The following TAFA2 variants were observed in gnomAD, a reference collection of about 807,000 sequenced individuals.
The protein encoded by TAFA2 is chemokine-like protein TAFA-2.
A neutral mutation model predicts 18.8 loss-of-function variants in TAFA2; 7 were observed. The ratio of observed to expected loss-of-function variants is 0.37; its 90% CI spans 0.21 to 0.70. The LOEUF (loss-of-function observed/expected upper bound fraction) is 0.70, where lower values mean the gene tolerates loss of function less well. Among genes scored for constraint, TAFA2 ranks in the 30% least tolerant of loss-of-function variants. The pLI is 0.53. For synonymous variants in TAFA2, 60 were observed against 54.2 expected (o/e 1.11, Z -0.47); for missense variants, 122 against 158.1 (o/e 0.77, Z 1.23).
chr12:61,911,925 G>C (rs1456758547), intron 1 of TAFA2, among the ~76,000 whole-genome samples: 2 of 152,134 alleles, frequency 1.3e-5, no homozygotes, highest in African/African-American at 4.8e-5. Context: ...CCAAACAGAA[G>C]CTGATGCATC....
At chr12:61,737,778 T>C (rs1868328493) in intron 4 of TAFA2, among the ~76,000 whole-genome samples, 1 of 151,866 alleles carries the variant, frequency 6.6e-6, no homozygotes, top group African/African-American at 2.4e-5. Context: ...ATCATTATTC[T>C]ATTCCTGCTA....
At chr12:62,081,913 G>A (rs532149251) in intron 1 of TAFA2, among the ~76,000 whole-genome samples, 29 of 152,088 alleles carry the variant, frequency 1.9e-4, no homozygotes, top group African/African-American at 6.0e-4. Context: ...CCCAGCATCC[G>A]TTAGCTATTC....
chr12:61,981,128 G>GA (rs1054884959), intron 1 of TAFA2, among the ~76,000 whole-genome samples: 34 of 152,142 alleles, frequency 2.2e-4, no homozygotes, highest in African/African-American at 8.0e-4. Flanking sequence ...GAATGGAACA[G>GA]AACAGAGGCC....
Position 62,229,427 on chromosome 12 carries a change from G to C in TAFA2, c.-130+29336C>G, listed in dbSNP as rs578223443. On this transcript the variant is annotated intron_variant, in intron 1 of 5. Transcript: ENST00000551619. Reference sequence around the variant, plus strand: ...CTTGTTGAGGGTTTTTATCATAAAGGGATGTTGAATATTGTCAAACACTTT... The same window carrying C: ...CTTGTTGAGGGTTTTTATCATAAAGCGATGTTGAATATTGTCAAACACTTT... Among the ~76,000 whole-genome samples, 125 of 152,042 alleles carry C rather than the reference G, an allele frequency of 8.2e-4. 1 individual carries two copies. The highest frequency in any genetic ancestry group is 2.6e-3 in the African/African-American group (108 of 41,500).
chr12:61,787,312 G>C (rs1237007600), intron 2 of TAFA2, among the ~76,000 whole-genome samples: 1 of 151,518 alleles, frequency 6.6e-6, no homozygotes, highest in Non-Finnish European at 1.5e-5. Context: ...ATGCTTAAGG[G>C]AATGCTGCAA....
Position 61,709,555 on chromosome 12 carries a change from C to T in TAFA2, c.*851G>A, listed in dbSNP as rs1254963514. On this transcript the variant is annotated 3_prime_UTR_variant, in exon 5 of 5. Transcript: ENST00000416284. ...TGAAGGCTACCCATTAACTTGACTG[C>T]TCACTGCTGATTTCTGTGAAGGGAA... is the stretch of plus-strand genomic sequence containing the variant. 1 of 151,942 alleles carries T rather than the reference C, an allele frequency of 6.6e-6. No homozygotes were observed. Among genetic ancestry groups the T allele is most frequent in the Non-Finnish European group, 1.5e-5 (1 of 67,966 alleles). The allele number at this position is 151,942 out of a possible 1,614,324, so 9.4% of individuals were successfully genotyped here. A position where few individuals can be genotyped will look rare whatever the true frequency, so the allele number is the denominator to read the frequency against.
chr12:62,016,772 T>C (rs1880950784), intron 1 of TAFA2, among the ~76,000 whole-genome samples: 1 of 143,234 alleles, frequency 7.0e-6, no homozygotes, highest in African/African-American at 2.6e-5. Context: ...ACATTTATTA[T>C]TGTGTGTACA....
intron 2 of TAFA2, among the ~76,000 whole-genome samples, chr12:61,780,940 AT>A (rs1870477554): frequency 6.6e-6 from 1 of 151,748 alleles, no homozygotes; most frequent in African/African-American, 2.4e-5. Flanking sequence ...TCAAAACATC[AT>A]AAAATCTAAA....
At chr12:62,105,032 G>A (rs1869385258) in intron 1 of TAFA2, 1 of 187,466 alleles carries the variant, frequency 5.3e-6, no homozygotes, top group Non-Finnish European at 1.1e-5. Flanking sequence ...CTAAAGTAAA[G>A]GAAGGGGGAA....
intron 2 of TAFA2, among the ~76,000 whole-genome samples, chr12:61,844,946 C>G (rs530522866): frequency 1.3e-5 from 2 of 152,100 alleles, no homozygotes; most frequent in East Asian, 3.9e-4. Context: ...ATCCAAAATT[C>G]AAGGAAATTT....
rs929984023 is a variant in TAFA2 at position 62,056,868 on chromosome 12, G to A, written c.-2+134391C>T. Among the ~76,000 whole-genome samples, 4 of 152,174 alleles carry A rather than the reference G, an allele frequency of 2.6e-5. No individual in the cohort carries two copies. The East Asian group carries it at 5.8e-4, about 22-fold the overall frequency. ...CAACAACAAAAAAAGATGGGGGCCC[G>A]AAGGCGCTTCTAATCTGTCGTTAGG... is the stretch of plus-strand genomic sequence containing the variant. On this transcript the variant is annotated intron_variant, in intron 1 of 4. Transcript: ENST00000416284.
chr12:61,732,058 C>T (rs1362751937), intron 4 of TAFA2, among the ~76,000 whole-genome samples: 3 of 151,846 alleles, frequency 2.0e-5, no homozygotes, highest in Non-Finnish European at 4.4e-5. Context: ...AGAATTAAGT[C>T]GAGAGAAAGA....
intron 2 of TAFA2, among the ~76,000 whole-genome samples, chr12:61,832,821 A>G (rs1195949894): frequency 1.3e-5 from 2 of 151,614 alleles, no homozygotes; most frequent in Non-Finnish European, 2.9e-5. Context: ...TCCTCTAGCA[A>G]ACTCTTAAAA....
At chr12:61,939,925 C>T (rs1291790426) in intron 1 of TAFA2, among the ~76,000 whole-genome samples, 1 of 152,216 alleles carries the variant, frequency 6.6e-6, no homozygotes, top group Non-Finnish European at 1.5e-5. Flanking sequence ...TTACCTGCTT[C>T]CACCTACAGA....
At chr12:61,738,303 A>ACACACT (rs1025810959) in intron 4 of TAFA2, among the ~76,000 whole-genome samples, 1 of 144,426 alleles carries the variant, frequency 6.9e-6, no homozygotes, top group African/African-American at 2.5e-5. Flanking sequence ...ACACACACAC[A>ACACACT]CACACACACA....
chr12:61,789,836 G>T (rs1175464106), intron 2 of TAFA2, among the ~76,000 whole-genome samples: 1 of 151,746 alleles, frequency 6.6e-6, no homozygotes, highest in Non-Finnish European at 1.5e-5. Context: ...AAAAATGAAA[G>T]AAGAGGGAAT....
chr12:61,906,038 G>A (rs1222809647), intron 1 of TAFA2, among the ~76,000 whole-genome samples: 1 of 152,126 alleles, frequency 6.6e-6, no homozygotes, highest in Non-Finnish European at 1.5e-5. Context: ...AGTAACTTCA[G>A]AGACATGAAA....
At chr12:62,241,472 T>C (rs2062862788) in intron 1 of TAFA2, among the ~76,000 whole-genome samples, 1 of 152,246 alleles carries the variant, frequency 6.6e-6, no homozygotes, top group African/African-American at 2.4e-5. Flanking sequence ...TCTGAATTTA[T>C]AAGTACTATT....
chr12:62,040,243 A>G (rs1371031799), intron 1 of TAFA2, among the ~76,000 whole-genome samples: 1 of 152,146 alleles, frequency 6.6e-6, no homozygotes, highest in Non-Finnish European at 1.5e-5. Context: ...CTTGGGGAGA[A>G]AGACAAGACC....
Sources: gnomAD v4.1 joint callset for allele counts (sites outside exome capture counted in the v4.1 genomes callset) on GRCh38, gnomAD v4.1.1 for gene constraint, MANE v1.5 for transcripts, NCBI Gene and HGNC (gene_info 2026-07-23, HGNC 2026-07-21) for gene names.